ANO6: variants seen among roughly 807,000 people sequenced by gnomAD.
ANO6 encodes anoctamin-6.
ANO6 carries 106 observed loss-of-function variants against 117.5 expected under a neutral mutation model. That is an observed-to-expected ratio of 0.90 (90% CI 0.77 to 1.06). The LOEUF is 1.06. Ranked by LOEUF, ANO6 falls within the 50% of genes least tolerant of loss-of-function variation. The pLI is 0.00. For synonymous variants in ANO6, 367 were observed against 385.1 expected, an observed-to-expected ratio of 0.95 and a Z score of 0.55; for missense variants, 955 against 1,121.1, an observed-to-expected ratio of 0.85 and a Z score of 2.12.
At chr12:45,371,758 G>A (rs1941844726) in intron 9 of ANO6, among the ~76,000 whole-genome samples, 1 of 152,164 alleles carries the variant, frequency 6.6e-6, no homozygotes, top group African/African-American at 2.4e-5. Flanking sequence ...ACAAAGATGG[G>A]GGAAAAACAG....
At chr12:45,265,281 G>A (rs917304576) in intron 1 of ANO6, among the ~76,000 whole-genome samples, 2 of 152,180 alleles carry the variant, frequency 1.3e-5, no homozygotes, top group South Asian at 2.1e-4. Context: ...ATTGAAATAC[G>A]AAGTTATGGA....
chr12:45,222,161 A>G (rs1947411909), intron 1 of ANO6, among the ~76,000 whole-genome samples: 2 of 145,534 alleles, frequency 1.4e-5, no homozygotes, highest in South Asian at 4.4e-4. Context: ...AATTACAGGC[A>G]TGAGCCACCA....
intron 1 of ANO6, among the ~76,000 whole-genome samples, chr12:45,258,382 TGTC>T (rs1937909706): frequency 1.3e-5 from 2 of 152,234 alleles, no homozygotes; most frequent in Non-Finnish European, 1.5e-5. Flanking sequence ...GTTGTGAGTT[TGTC>T]GTCTTCTTGC....
intron 12 of ANO6, among the ~76,000 whole-genome samples, chr12:45,392,159 T>G (rs188254562): frequency 6.6e-6 from 1 of 152,300 alleles, no homozygotes; most frequent in African/African-American, 2.4e-5. Context: ...ATACTGCACT[T>G]TTCCCAAGGT....
chr12:45,260,217 GT>G (rs949258571), intron 1 of ANO6, among the ~76,000 whole-genome samples: 8 of 152,352 alleles, frequency 5.3e-5, no homozygotes, highest in African/African-American at 1.9e-4. Flanking sequence ...AGTTTGTACA[GT>G]TCAGCCTGTA....
At chr12:45,320,966 G>T (rs1339043481) in intron 2 of ANO6, among the ~76,000 whole-genome samples, 5 of 149,092 alleles carry the variant, frequency 3.4e-5, no homozygotes, top group South Asian at 4.7e-4. Context: ...TTTTCCATTT[G>T]CTTGGTAGAT....
Position 45,255,818 on chromosome 12 carries a change from G to GTTTTTTTTTTTTTTTTTTTTTTTT in ANO6, c.70+39447_70+39448insTTTTTTTTTTTTTTTTTTTTTTTT, listed in dbSNP as rs551517877. ...CTGGCCCCAGGTTTTCTCCCTGGGTGTTTTTTTTTTTTTTTTTTTTGAGAC... is the reference window on the plus strand; with the variant it reads ...CTGGCCCCAGGTTTTCTCCCTGGGTGTTTTTTTTTTTTTTTTTTTTTTTTTTTTTTTTTTTTTTTTTTTTGAGAC... On this transcript the variant is annotated intron_variant, in intron 1 of 19. Coordinates refer to ENST00000320560, the MANE Select transcript of ANO6 (RefSeq NM_001025356.3). 6.1e-4 allele frequency among the ~76,000 whole-genome samples: 50 copies of GTTTTTTTTTTTTTTTTTTTTTTTT among 81,694 alleles called. 2 individuals carry two copies. Among genetic ancestry groups the GTTTTTTTTTTTTTTTTTTTTTTTT allele is most frequent in the African/African-American group, 2.0e-3 (44 of 22,238 alleles). 53.6% of individuals were successfully genotyped at this position (81,694 alleles called of 152,430 possible). A position where few individuals can be genotyped will look rare whatever the true frequency, so the allele number is the denominator to read the frequency against.
At chr12:45,343,262 T>A (rs1451457822) in intron 3 of ANO6, among the ~76,000 whole-genome samples, 2 of 152,184 alleles carry the variant, frequency 1.3e-5, no homozygotes, top group Non-Finnish European at 2.9e-5. Context: ...ATCAAGCCAC[T>A]GGAGAAGACC....
At chr12:45,246,897 T>C (rs1947834007) in intron 1 of ANO6, among the ~76,000 whole-genome samples, 1 of 151,698 alleles carries the variant, frequency 6.6e-6, no homozygotes, top group Non-Finnish European at 1.5e-5. Context: ...CCCAAGTAGC[T>C]GGGATTACAG....
rs898045108 is a variant in ANO6 at position 45,430,094 on chromosome 12, C to T, written c.*783C>T. 1.0e-6 allele frequency: 1 copy of T among 985,330 alleles called. No homozygotes were observed. Among genetic ancestry groups the T allele is most frequent in the Non-Finnish European group, 1.2e-6 (1 of 829,942 alleles). The allele number at this position is 985,330 out of a possible 1,614,324, so 61.0% of individuals were successfully genotyped here. On this transcript the variant is annotated 3_prime_UTR_variant, in exon 20 of 20. Coordinates refer to ENST00000320560, the MANE Select transcript of ANO6 (RefSeq NM_001025356.3). The stretch of plus-strand genomic sequence containing the variant: ...ACAAAAGCAGGGAAAGTTACAGATT[C>T]AAACAGCATTTTAACTCATGTTGAT...
intron 10 of ANO6, among the ~76,000 whole-genome samples, chr12:45,386,397 A>G (rs1942299427): frequency 6.6e-6 from 1 of 152,178 alleles, no homozygotes; most frequent in Non-Finnish European, 1.5e-5. Context: ...CTCCTCTTGC[A>G]CACTTGACCT....
intron 8 of ANO6, among the ~76,000 whole-genome samples, chr12:45,366,743 G>C (rs574543207): frequency 6.6e-6 from 1 of 152,278 alleles, no homozygotes; most frequent in East Asian, 1.9e-4. Flanking sequence ...ATATGGTAGT[G>C]TAGGCCTTCT....
chr12:45,275,460 G>A (rs1430687134), intron 1 of ANO6, among the ~76,000 whole-genome samples: 2 of 152,032 alleles, frequency 1.3e-5, no homozygotes, highest in Admixed American at 6.6e-5. Context: ...CACACGCCTC[G>A]ACCTCCCAAA....
At chr12:45,326,434 AAT>A (rs1940469029) in intron 2 of ANO6, among the ~76,000 whole-genome samples, 1 of 152,202 alleles carries the variant, frequency 6.6e-6, no homozygotes. Context: ...AATCTAAAGA[AAT>A]ATGTGAGTCA....
At chr12:45,254,476 G>C (rs1592877172) in intron 1 of ANO6, among the ~76,000 whole-genome samples, 1 of 152,224 alleles carries the variant, frequency 6.6e-6, no homozygotes, top group East Asian at 1.9e-4. Context: ...CTGTCTCCTA[G>C]AAGACAGGAC....
chr12:45,217,283 C>A (rs936034502), intron 1 of ANO6, among the ~76,000 whole-genome samples: 1 of 152,070 alleles, frequency 6.6e-6, no homozygotes, highest in African/African-American at 2.4e-5. Flanking sequence ...ATTAAATTAC[C>A]AAGCCAGTCT....
chr12:45,232,060 T>C (rs1947581622), intron 1 of ANO6, among the ~76,000 whole-genome samples: 1 of 152,236 alleles, frequency 6.6e-6, no homozygotes, highest in Non-Finnish European at 1.5e-5. Context: ...GAAAAAGTCA[T>C]GTGCATAGAG....
chr12:45,378,545 T>A (rs1191605596), intron 10 of ANO6, among the ~76,000 whole-genome samples: 1 of 151,962 alleles, frequency 6.6e-6, no homozygotes, highest in Non-Finnish European at 1.5e-5. Context: ...GGTTTCAGGG[T>A]TCCAAAGAGA....
chr12:45,405,092 ATTC>A (rs1192145656), intron 15 of ANO6, among the ~76,000 whole-genome samples: 1 of 151,820 alleles, frequency 6.6e-6, no homozygotes, highest in Non-Finnish European at 1.5e-5. Context: ...TAGCTGTGAA[ATTC>A]TTTTTTTTTT....
Sources: allele counts gnomAD v4.1 joint callset (sites outside exome capture counted in the v4.1 genomes callset), GRCh38; gene constraint gnomAD v4.1.1; transcripts MANE v1.5; gene names NCBI Gene and HGNC (gene_info 2026-07-23, HGNC 2026-07-21).